Variants in CYRIB observed in about 807,000 individuals in gnomAD.
CYRIB encodes CYFIP-related Rac1 interactor B.
A neutral mutation model predicts 44.2 loss-of-function variants in CYRIB; 8 were observed. The ratio of observed to expected loss-of-function variants is 0.18; its 90% CI spans 0.11 to 0.33. The LOEUF is 0.33. CYRIB is among the 10% of genes least tolerant of loss of function. The probability of loss-of-function intolerance (pLI) is 1.00; values close to 1 mark genes in which losing one functional copy is unlikely to be tolerated. For synonymous variants in CYRIB, 131 were observed against 127.2 expected (o/e 1.03, Z -0.20); for missense variants, 185 against 382.8 (o/e 0.48, Z 4.31).
At chr8:130,016,121 G>GC (rs1295237835) in intron 1 of CYRIB, among the ~76,000 whole-genome samples, 3 of 148,064 alleles carry the variant, frequency 2.0e-5, no homozygotes, top group Non-Finnish European at 3.0e-5. Flanking sequence ...TCCGCCCGCC[G>GC]CCCCCCGCGC....
chr8:129,915,185 T>C (rs1157810137), intron 1 of CYRIB, among the ~76,000 whole-genome samples: 2 of 152,224 alleles, frequency 1.3e-5, no homozygotes, highest in Non-Finnish European at 2.9e-5. Context: ...CAAAGAATCA[T>C]ACACTAATGT....
intron 1 of CYRIB, among the ~76,000 whole-genome samples, chr8:130,009,392 C>A (rs535808686): frequency 6.6e-6 from 1 of 151,978 alleles, no homozygotes; most frequent in African/African-American, 2.4e-5. Flanking sequence ...CTCAGCCTCC[C>A]GAGTAGCTGG....
chr8:130,010,687 C>T (rs927079079), intron 1 of CYRIB, among the ~76,000 whole-genome samples: 1 of 152,188 alleles, frequency 6.6e-6, no homozygotes, highest in Non-Finnish European at 1.5e-5. Flanking sequence ...GCCTTTGTCA[C>T]TTTGTCATAT....
At chr8:129,972,638 C>A (rs143042639) in intron 1 of CYRIB, among the ~76,000 whole-genome samples, 2 of 152,168 alleles carry the variant, frequency 1.3e-5, no homozygotes, top group East Asian at 3.9e-4. Context: ...CTCTTATGTA[C>A]ACACATAGAC....
In CYRIB at chr8:129,946,004, G is replaced by A. The variant is rs116565101; in HGVS notation, c.-243+24939C>T. On this transcript the variant is annotated intron_variant, in intron 2 of 14. Transcript: ENST00000401979. ...ATGGAGATAAGACAATCTACTTCTC[G>A]GAAATGTTGGGAAGCTCTCATGAAG... Among the ~76,000 whole-genome samples the A allele has an allele frequency of 5.6e-3, 851 of 152,266 alleles. 12 individuals are homozygous for A. The highest frequency in any genetic ancestry group is 0.02 in the African/African-American group (822 of 41,526).
chr8:129,986,157 G>A, intron 1 of CYRIB, among the ~76,000 whole-genome samples: 1 of 152,222 alleles, frequency 6.6e-6, no homozygotes, highest in East Asian at 1.9e-4. Flanking sequence ...CTGGTAAGGG[G>A]CATGAAGATG....
chr8:129,876,805 C>A (rs2133709911), intron 3 of CYRIB, among the ~76,000 whole-genome samples: 1 of 149,724 alleles, frequency 6.7e-6, no homozygotes, highest in South Asian at 2.1e-4. Context: ...CTTAATCAAT[C>A]AGATTAATAA....
intron 1 of CYRIB, among the ~76,000 whole-genome samples, chr8:130,002,514 C>T (rs997966441): frequency 7.3e-5 from 11 of 151,640 alleles, no homozygotes; most frequent in African/African-American, 2.4e-4. Context: ...GGTTTTCTTA[C>T]AATAAAAGTA....
In CYRIB at chr8:129,990,497, CGTGTGTGTGTGTGT is replaced by C. The variant is rs34534615; in HGVS notation, c.-295-19516_-295-19503del. ...GTGTGCATGCATGTGTGTGTGTATG[CGTGTGTGTGTGTGT>C]GTGTGTGTGTGTATATATTTTTTTT... On this transcript the variant is annotated intron_variant, in intron 1 of 14. Coordinates refer to the CYRIB transcript ENST00000401979. Among the ~76,000 whole-genome samples the C allele has an allele frequency of 2.0e-5, 3 of 147,408 alleles. No individual in the cohort carries two copies. In the South Asian group the frequency reaches 6.5e-4, roughly 32 times the overall value.
intron 2 of CYRIB, among the ~76,000 whole-genome samples, chr8:129,950,050 G>A (rs1482662592): frequency 1.3e-5 from 2 of 152,030 alleles, no homozygotes; most frequent in Admixed American, 1.3e-4. Flanking sequence ...TAAAAGTTTG[G>A]GTAAAACTTA....
At chr8:129,928,538 T>C (rs1021954090) in intron 1 of CYRIB, among the ~76,000 whole-genome samples, 6 of 151,994 alleles carry the variant, frequency 3.9e-5, no homozygotes, top group African/African-American at 4.8e-5. Context: ...TGCATGCCTG[T>C]AGTCCCAGCC....
At chr8:129,911,972 T>A (rs962820804) in intron 1 of CYRIB, among the ~76,000 whole-genome samples, 3 of 152,148 alleles carry the variant, frequency 2.0e-5, no homozygotes, top group African/African-American at 7.2e-5. Context: ...AACCTAAAGA[T>A]TCCACAGGTT....
At chr8:129,868,475 T>C (rs1163637909) in intron 4 of CYRIB, 2 of 152,230 alleles carry the variant, frequency 1.3e-5, no homozygotes, top group Admixed American at 1.3e-4. Flanking sequence ...TTTGGTGTTC[T>C]TCAATGTTAT....
chr8:129,954,384 G>A (rs986799378), intron 2 of CYRIB, among the ~76,000 whole-genome samples: 3 of 151,904 alleles, frequency 2.0e-5, no homozygotes, highest in Non-Finnish European at 2.9e-5. Flanking sequence ...CACAATGCCC[G>A]GCTGATTTTT....
Position 129,847,732 on chromosome 8 carries a change from A to C in CYRIB, c.841-858T>G, listed in dbSNP as rs936325380. Among the ~76,000 whole-genome samples, 8 of 152,224 alleles carry C rather than the reference A, an allele frequency of 5.3e-5. No homozygotes were observed. The South Asian group carries it at 1.0e-3, about 20-fold the overall frequency. ...TAAGATATATTAGCCTGGTTGTTAT[A>C]AAAAAGCATAATACAGCAGAAAGAA... On this transcript the variant is annotated intron_variant, in intron 10 of 11. Coordinates refer to ENST00000519824, the Ensembl canonical transcript of CYRIB.
chr8:129,885,934 A>G (rs1463514834), intron 2 of CYRIB, among the ~76,000 whole-genome samples: 1 of 152,146 alleles, frequency 6.6e-6, no homozygotes, highest in East Asian at 1.9e-4. Flanking sequence ...TTTCACACAC[A>G]AAACACATAA....
At chr8:129,931,325 T>C (rs914785721) in intron 1 of CYRIB, among the ~76,000 whole-genome samples, 2 of 152,234 alleles carry the variant, frequency 1.3e-5, no homozygotes, top group African/African-American at 4.8e-5. Context: ...TAGAGAACTG[T>C]GGTTTGATAT....
At chr8:129,847,164 G>A (rs1416158158) in intron 10 of CYRIB, 1 of 264,356 alleles carries the variant, frequency 3.8e-6, no homozygotes, top group Non-Finnish European at 7.1e-6. Flanking sequence ...GCTGAGTGGC[G>A]ATTTAAAGGA....
intron 11 of CYRIB, 114 bp downstream of exon 13, chr8:129,846,690 G>C (rs2040215560): frequency 1.5e-6 from 1 of 678,766 alleles, no homozygotes; most frequent in Non-Finnish European, 2.5e-6. Flanking sequence ...CATATTTCTA[G>C]CTTGAACACT....
Sources: allele counts gnomAD v4.1 joint callset (sites outside exome capture counted in the v4.1 genomes callset), GRCh38; gene constraint gnomAD v4.1.1; transcripts MANE v1.5; gene names NCBI Gene and HGNC (gene_info 2026-07-23, HGNC 2026-07-21).